The following CTNNA2 variants were observed in gnomAD, a reference collection of about 807,000 sequenced individuals.
CTNNA2 encodes the protein catenin alpha 2.
Under a neutral mutation model 101.0 loss-of-function variants are expected in CTNNA2, and 42 were observed. The observed-to-expected ratio is 0.42, with a 90% confidence interval of 0.32 to 0.54. The LOEUF is 0.54. Among genes scored for constraint, CTNNA2 ranks in the 20% least tolerant of loss-of-function variants. The pLI, the probability that CTNNA2 is intolerant of heterozygous loss-of-function variation, is 0.14. For synonymous variants in CTNNA2, 450 were observed against 456.4 expected, an observed-to-expected ratio of 0.99 and a Z score of 0.18; for missense variants, 871 against 1,223.1, an observed-to-expected ratio of 0.71 and a Z score of 4.29.
At chr2:80,318,219 A>G (rs1678320864) in intron 7 of CTNNA2, among the ~76,000 whole-genome samples, 2 of 152,222 alleles carry the variant, frequency 1.3e-5, no homozygotes, top group South Asian at 4.1e-4. Context: ...TCATACTCCC[A>G]GAAGTCCATA....
chr2:79,657,961 A>T (rs1206887866), intron 2 of CTNNA2, among the ~76,000 whole-genome samples: 2 of 151,986 alleles, frequency 1.3e-5, no homozygotes, highest in South Asian at 4.1e-4. Context: ...CCTCTTTGGG[A>T]TATAATTTTT....
intron 9 of CTNNA2, among the ~76,000 whole-genome samples, chr2:80,420,691 G>C (rs976635084): frequency 1.8e-4 from 28 of 152,214 alleles, no homozygotes; most frequent in Non-Finnish European, 2.9e-4. Flanking sequence ...CTAAGCACCT[G>C]CTTAGTTTGC....
chr2:80,225,074 CAATAA>C (rs1460667620), intron 7 of CTNNA2, among the ~76,000 whole-genome samples: 1 of 152,076 alleles, frequency 6.6e-6, no homozygotes, highest in Non-Finnish European at 1.5e-5. Flanking sequence ...GGGGGCCACA[CAATAA>C]AATAAATGTT....
chr2:79,215,403 G>A (rs1289938240), intron 2 of CTNNA2, among the ~76,000 whole-genome samples: 1 of 152,074 alleles, frequency 6.6e-6, no homozygotes, highest in East Asian at 1.9e-4. Flanking sequence ...AATTGCAACT[G>A]AGAAATATGT....
intron 7 of CTNNA2, among the ~76,000 whole-genome samples, chr2:80,205,705 C>G (rs1707492016): frequency 6.6e-6 from 1 of 152,116 alleles, no homozygotes; most frequent in African/African-American, 2.4e-5. Flanking sequence ...TTGCGGTTTT[C>G]CAGATTGCTA....
chr2:80,522,517 T>G (rs1286851614), intron 9 of CTNNA2, among the ~76,000 whole-genome samples: 1 of 152,216 alleles, frequency 6.6e-6, no homozygotes, highest in Non-Finnish European at 1.5e-5. Context: ...GTGACGGGAC[T>G]TTAATTGCCG....
chr2:80,207,097 G>A (rs1205128191), intron 7 of CTNNA2, among the ~76,000 whole-genome samples: 1 of 152,154 alleles, frequency 6.6e-6, no homozygotes, highest in African/African-American at 2.4e-5. Flanking sequence ...TAAATGAAGG[G>A]TTTTTTGATT....
chr2:79,698,920 T>C (rs1573716780), intron 2 of CTNNA2, among the ~76,000 whole-genome samples: 1 of 152,218 alleles, frequency 6.6e-6, no homozygotes, highest in East Asian at 1.9e-4. Flanking sequence ...TACTAGCCTG[T>C]CACGTTTGCT....
intron 2 of CTNNA2, among the ~76,000 whole-genome samples, chr2:79,296,829 A>G (rs1403043557): frequency 1.3e-5 from 2 of 152,142 alleles, no homozygotes; most frequent in Non-Finnish European, 2.9e-5. Context: ...CTTACATTCA[A>G]AAATGGTGCC....
intron 7 of CTNNA2, among the ~76,000 whole-genome samples, chr2:80,370,718 A>T (rs71426615): frequency 2.0e-5 from 3 of 152,206 alleles, no homozygotes; most frequent in African/African-American, 7.2e-5. Flanking sequence ...GCTTTTCACT[A>T]TACCACACAG....
intron 7 of CTNNA2, among the ~76,000 whole-genome samples, chr2:80,095,314 T>G (rs1307125591): frequency 2.6e-5 from 4 of 152,250 alleles, no homozygotes; most frequent in Non-Finnish European, 4.4e-5. Context: ...TTTATTGATT[T>G]GCATATGTTG....
intron 7 of CTNNA2, among the ~76,000 whole-genome samples, chr2:79,921,674 A>G (rs1208728861): frequency 6.6e-6 from 1 of 152,218 alleles, no homozygotes; most frequent in East Asian, 1.9e-4. Flanking sequence ...TGGATTATTC[A>G]GAAATTCTCT....
intron 3 of CTNNA2, among the ~76,000 whole-genome samples, chr2:79,337,701 A>T (rs1416449830): frequency 6.6e-6 from 1 of 152,240 alleles, no homozygotes; most frequent in Non-Finnish European, 1.5e-5. Context: ...ACAAGTATTT[A>T]TCAAGTATTT....
chr2:80,436,428 T>C (rs1283374425), intron 9 of CTNNA2, among the ~76,000 whole-genome samples: 1 of 142,362 alleles, frequency 7.0e-6, no homozygotes, highest in African/African-American at 2.6e-5. Context: ...GAATATCTTC[T>C]CATGAGATGC....
In CTNNA2 at chr2:79,869,716, C is replaced by G. The variant is rs375380340; in HGVS notation, c.466-100C>G. 35 of 1,436,018 alleles carry G rather than the reference C, an allele frequency of 2.4e-5. No homozygotes were observed. The African/African-American group carries it at 3.7e-4, about 15-fold the overall frequency. The allele number at this position is 1,436,018 out of a possible 1,614,324, so 89.0% of individuals were successfully genotyped here. A position where few individuals can be genotyped will look rare whatever the true frequency, so the allele number is the denominator to read the frequency against. ...TTTTTCATTTACATGTTAACACATA[C>G]TAGTGTTTTAGAGTTTTTGGGTGCA... On this transcript the variant is annotated intron_variant, in intron 4 of 18. Coordinates refer to ENST00000402739, the MANE Select transcript of CTNNA2 (RefSeq NM_001282597.3).
At position 80,608,207 on chromosome 2, in the gene CTNNA2, G is replaced by A; in HGVS notation, c.2319G>A (p.Gln773=). 2 of 1,610,460 alleles carry A rather than the reference G, an allele frequency of 1.2e-6. No individual in the cohort carries two copies. Among genetic ancestry groups the A allele is most frequent in the Non-Finnish European group, 1.7e-6 (2 of 1,177,546 alleles). ...AGTGTCCTGATTCAGCATGTAAGCA[G>A]GATTTATTAGCCTACCTTCAACGAA... ...ADQCPDSACK[Q]DLLAYLQRIA... The change falls in exon 17 of 19, where the codon CAG becomes CAA. Residue 773 remains glutamine (Q), a synonymous_variant. Transcript: ENST00000402739.
Position 79,421,642 on chromosome 2 carries a change from G to T in CTNNA2, c.-135+47629G>T, listed in dbSNP as rs188773191. 2.6e-5 allele frequency among the ~76,000 whole-genome samples: 4 copies of T among 152,204 alleles called. No individual in the cohort carries two copies. In the East Asian group the frequency reaches 7.7e-4, roughly 29 times the overall value. ...TGATAAATAACTTGATTTGGTATCG[G>T]TTTATTTGTATTTAATTAGAAATTA... On this transcript the variant is annotated intron_variant, in intron 4 of 21. Transcript: ENST00000466387.
intron 1 of CTNNA2, among the ~76,000 whole-genome samples, chr2:79,562,336 A>G (rs956900289): frequency 2.0e-5 from 3 of 152,058 alleles, no homozygotes; most frequent in African/African-American, 7.2e-5. Context: ...AAATTTTGAA[A>G]TAACTCTTTT....
chr2:79,270,417 G>A (rs1675053547), intron 2 of CTNNA2, among the ~76,000 whole-genome samples: 7 of 152,028 alleles, frequency 4.6e-5, no homozygotes. Flanking sequence ...AGTGACGCCA[G>A]TCCCAAGGCC....
Sources: allele counts gnomAD v4.1 joint callset (sites outside exome capture counted in the v4.1 genomes callset), GRCh38; gene constraint gnomAD v4.1.1; transcripts MANE v1.5; gene names NCBI Gene and HGNC (gene_info 2026-07-23, HGNC 2026-07-21).